C1orf87: variants seen among roughly 807,000 people sequenced by gnomAD.
C1orf87 encodes chromosome 1 open reading frame 87.
In C1orf87, 58 loss-of-function variants were observed where a neutral mutation model predicts 60.5. That is an observed-to-expected ratio of 0.96 (90% CI 0.78 to 1.19). The LOEUF is 1.19. Ranked by LOEUF, C1orf87 falls within the 50% of genes most tolerant of loss-of-function variation. The pLI is 0.00. For synonymous variants in C1orf87, 236 were observed against 227.4 expected (o/e 1.04, Z -0.34); for missense variants, 673 against 638.6 (o/e 1.05, Z -0.58).
intron 5 of C1orf87, among the ~76,000 whole-genome samples, chr1:60,039,131 T>C (rs1321040236): frequency 1.3e-5 from 2 of 152,176 alleles, no homozygotes; most frequent in Non-Finnish European, 2.9e-5. Context: ...CATTGAGGCA[T>C]GGGAGGACTT....
chr1:60,072,108 CA>C (rs1358712007), intron 2 of C1orf87, among the ~76,000 whole-genome samples: 2 of 152,234 alleles, frequency 1.3e-5, no homozygotes, highest in African/African-American at 4.8e-5. Flanking sequence ...GTATCAAATA[CA>C]AACAGGAGTA....
chr1:60,031,930 C>A (rs1383586012), intron 7 of C1orf87, among the ~76,000 whole-genome samples: 1 of 152,002 alleles, frequency 6.6e-6, no homozygotes, highest in Non-Finnish European at 1.5e-5. Context: ...GACTTTCCTG[C>A]AATGCTCTAT....
At chr1:60,063,013 A>C (rs1645507576) in intron 2 of C1orf87, among the ~76,000 whole-genome samples, 1 of 152,264 alleles carries the variant, frequency 6.6e-6, no homozygotes, top group East Asian at 1.9e-4. Flanking sequence ...AAAACAAACA[A>C]AAATTATTCC....
chr1:60,066,749 C>T (rs1379997837), intron 2 of C1orf87, among the ~76,000 whole-genome samples: 1 of 151,902 alleles, frequency 6.6e-6, no homozygotes, highest in East Asian at 1.9e-4. Flanking sequence ...TATAGGTATA[C>T]ACATGCCATG....
intron 9 of C1orf87, among the ~76,000 whole-genome samples, chr1:60,005,429 G>T (rs1352095897): frequency 6.7e-6 from 1 of 148,184 alleles, no homozygotes; most frequent in East Asian, 2.0e-4. Flanking sequence ...AGTGATAAGT[G>T]CTATAAACAC....
chr1:60,065,463 A>T (rs1019281887), intron 2 of C1orf87, among the ~76,000 whole-genome samples: 4 of 152,046 alleles, frequency 2.6e-5, no homozygotes, highest in African/African-American at 9.7e-5. Flanking sequence ...GCTCAGAGAC[A>T]GCTTCTGGGA....
At chr1:60,017,881 A>G (rs1315905673) in intron 8 of C1orf87, among the ~76,000 whole-genome samples, 1 of 152,176 alleles carries the variant, frequency 6.6e-6, no homozygotes, top group Admixed American at 6.5e-5. Flanking sequence ...AAACAACAAC[A>G]ACTTTGTAAC....
chr1:60,015,931 AG>A (rs1171237529), intron 8 of C1orf87, among the ~76,000 whole-genome samples: 5 of 152,090 alleles, frequency 3.3e-5, no homozygotes, highest in Non-Finnish European at 7.4e-5. Flanking sequence ...TTGTATTTTT[AG>A]TAGAGGCAGG....
At chr1:60,055,093 C>T in intron 3 of C1orf87, 111 bp downstream of exon 3, 1 of 1,008,568 alleles carries the variant, frequency 9.9e-7, no homozygotes, top group Non-Finnish European at 1.5e-6. Flanking sequence ...CTATCTCATG[C>T]AAAATATATT....
chr1:60,066,200 A>T (rs1401714757), intron 2 of C1orf87, among the ~76,000 whole-genome samples: 2 of 152,110 alleles, frequency 1.3e-5, no homozygotes, highest in African/African-American at 4.8e-5. Context: ...GACAGCAATA[A>T]AGTTTGCTGC....
chr1:60,023,466 C>T (rs1388880654), intron 8 of C1orf87, among the ~76,000 whole-genome samples: 6 of 151,930 alleles, frequency 3.9e-5, no homozygotes, highest in Admixed American at 1.3e-4. Flanking sequence ...TTTTATCTTC[C>T]GTTGCTTCCA....
intron 11 of C1orf87, among the ~76,000 whole-genome samples, chr1:59,993,009 C>T (rs556781135): frequency 6.6e-5 from 10 of 152,258 alleles, no homozygotes; most frequent in Admixed American, 2.6e-4. Flanking sequence ...TCTAGCTTTG[C>T]TTCCTCTGGC....
intron 8 of C1orf87, among the ~76,000 whole-genome samples, chr1:60,023,715 A>G (rs147027182): frequency 2.4e-4 from 37 of 152,226 alleles, no homozygotes; most frequent in African/African-American, 8.2e-4. Context: ...TTTTTACCTA[A>G]TATTTCTTTT....
chr1:60,050,843 A>G (rs1025901985), intron 3 of C1orf87, among the ~76,000 whole-genome samples: 22 of 152,160 alleles, frequency 1.4e-4, no homozygotes, highest in Non-Finnish European at 2.6e-4. Context: ...GTGGTCTTAT[A>G]GACTTGTGGA....
chr1:60,021,975 G>T (rs1346267251), intron 8 of C1orf87, among the ~76,000 whole-genome samples: 1 of 152,134 alleles, frequency 6.6e-6, no homozygotes, highest in Non-Finnish European at 1.5e-5. Context: ...ACATTCAAAA[G>T]ATAGGTGTTA....
chr1:60,040,863 C>T lies in C1orf87; in HGVS notation c.483+128G>A, dbSNP rs1020712681. 6.0e-6 allele frequency: 6 copies of T among 1,003,536 alleles called. No homozygotes were observed. In the African/African-American group the frequency reaches 8.3e-5, roughly 14 times the overall value. 62.2% of individuals were successfully genotyped at this position (1,003,536 alleles called of 1,614,324 possible). A position where few individuals can be genotyped will look rare whatever the true frequency, so the allele number is the denominator to read the frequency against. On this transcript the variant is annotated intron_variant, in intron 4 of 11. Transcript: ENST00000371201. ...CCAGCTTGGCTTCTCAAAGTGCTGGCATTACAGGTGTAAGCCACTATGACC... is the reference window on the plus strand; with the variant it reads ...CCAGCTTGGCTTCTCAAAGTGCTGGTATTACAGGTGTAAGCCACTATGACC...
intron 6 of C1orf87, among the ~76,000 whole-genome samples, chr1:60,033,938 T>C (rs971222091): frequency 6.6e-6 from 1 of 152,232 alleles, no homozygotes; most frequent in African/African-American, 2.4e-5. Context: ...CTTTTTTTTC[T>C]AGGTTGAGAC....
chr1:60,025,541 G>T, intron 7 of C1orf87, 43 bp from the exon 8 acceptor site: 2 of 1,417,784 alleles, frequency 1.4e-6, no homozygotes, highest in Non-Finnish European at 1.9e-6. Context: ...TGTTTCACTA[G>T]GATACAAAAT....
Position 60,040,035 on chromosome 1 carries a change from G to C in C1orf87, c.629C>G (p.Ser210Ter), listed in dbSNP as rs777651430. 5 of 1,614,206 alleles carry C rather than the reference G, an allele frequency of 3.1e-6. No homozygotes were observed. In the South Asian group the frequency reaches 3.3e-5, roughly 11 times the overall value. Residue 210 changes from serine (S) to a stop codon, truncating the protein, a stop_gained, in exon 5 of 12, where the codon TCA becomes TGA. Coordinates refer to ENST00000371201, the MANE Select transcript of C1orf87 (RefSeq NM_152377.3). LOFTEE classifies it high-confidence loss of function. ...CAGCTGAGATTGGAGAAGAAATCCT[G>C]AAGAGATTGGGTCCAGGATCTTCAG... ...KELKILDPISSGFLLQSQLSR... is the reference protein window; with the variant it reads ...KELKILDPIS
Sources: gnomAD v4.1 joint callset for allele counts (sites outside exome capture counted in the v4.1 genomes callset) on GRCh38, gnomAD v4.1.1 for gene constraint, MANE v1.5 for transcripts, NCBI Gene and HGNC (gene_info 2026-07-23, HGNC 2026-07-21) for gene names.